Variants in EPHA5 observed in about 807,000 individuals in gnomAD.
EPHA5 encodes ephrin type-A receptor 5.
EPHA5 carries 60 observed loss-of-function variants against 105.0 expected under a neutral mutation model. The observed-to-expected ratio is 0.57, with a 90% CI of 0.46 to 0.71. The LOEUF (loss-of-function observed/expected upper bound fraction) is 0.71. Among genes scored for constraint, EPHA5 ranks in the 30% least tolerant of loss-of-function variants. The pLI, the probability that EPHA5 is intolerant of heterozygous loss-of-function variation, is 0.00. For synonymous variants in EPHA5, 513 were observed against 449.1 expected (o/e 1.14, Z -1.80); for missense variants, 1,218 against 1,274.7 (o/e 0.96, Z 0.68).
chr4:65,556,051 G>T (rs530044616), intron 3 of EPHA5, among the ~76,000 whole-genome samples: 2 of 152,064 alleles, frequency 1.3e-5, no homozygotes, highest in African/African-American at 2.4e-5. Context: ...ATGAATGTGT[G>T]CAGAATTCAT....
intron 2 of EPHA5, among the ~76,000 whole-genome samples, chr4:65,637,437 C>A (rs990068867): frequency 2.0e-5 from 3 of 151,362 alleles, no homozygotes; most frequent in African/African-American, 7.3e-5. Flanking sequence ...ACTATTCAAG[C>A]TATGAAAGGC....
chr4:65,437,002 A>G (rs1034139091), intron 5 of EPHA5, among the ~76,000 whole-genome samples: 14 of 152,040 alleles, frequency 9.2e-5, no homozygotes, highest in African/African-American at 3.4e-4. Context: ...GAATTTATTA[A>G]TGGTGTGCTA....
intron 3 of EPHA5, among the ~76,000 whole-genome samples, chr4:65,552,288 A>C (rs1387218313): frequency 6.6e-6 from 1 of 152,194 alleles, no homozygotes; most frequent in East Asian, 1.9e-4. Context: ...CACACTTAGC[A>C]ACTGTAAAAT....
At chr4:65,513,852 A>C (rs1390207071) in intron 3 of EPHA5, among the ~76,000 whole-genome samples, 1 of 152,066 alleles carries the variant, frequency 6.6e-6, no homozygotes, top group Non-Finnish European at 1.5e-5. Context: ...ACGTTTTTAC[A>C]CTTAACCTCC....
At position 65,486,506 on chromosome 4, in the gene EPHA5, G is replaced by C. The variant is rs114212564; in HGVS notation, c.1402+3871C>G. Among the ~76,000 whole-genome samples, 730 of 152,234 alleles carry C rather than the reference G, an allele frequency of 4.8e-3. 2 individuals are homozygous for C. Among genetic ancestry groups the C allele is most frequent in the Non-Finnish European group, 7.6e-3 (516 of 68,022 alleles). On this transcript the variant is annotated intron_variant, in intron 5 of 16. Coordinates refer to ENST00000613740, the MANE Select transcript of EPHA5 (RefSeq NM_001281766.3). ...TCAATCAGAAAATATCAACACAACT[G>C]TTGAGGCTAATTATAAATTTGAAAT...
At chr4:65,610,839 A>T (rs1303887525) in intron 2 of EPHA5, among the ~76,000 whole-genome samples, 1 of 152,156 alleles carries the variant, frequency 6.6e-6, no homozygotes, top group African/African-American at 2.4e-5. Context: ...CCACTGATCT[A>T]GTTTAGTTCC....
chr4:65,448,640 T>G (rs1726789563), intron 5 of EPHA5, among the ~76,000 whole-genome samples: 1 of 152,036 alleles, frequency 6.6e-6, no homozygotes, highest in African/African-American at 2.4e-5. Context: ...AGAGCCAGAC[T>G]CCATCTCGAA....
At chr4:65,493,418 T>C (rs1187523815) in intron 4 of EPHA5, among the ~76,000 whole-genome samples, 2 of 152,104 alleles carry the variant, frequency 1.3e-5, no homozygotes, top group South Asian at 2.1e-4. Context: ...AAGTTGGAGC[T>C]ATAAATTCAA....
chr4:65,547,603 A>G (rs1737507619), intron 3 of EPHA5, among the ~76,000 whole-genome samples: 1 of 152,078 alleles, frequency 6.6e-6, no homozygotes. Context: ...GAAATAGGTA[A>G]TTCAGGCTAA....
At chr4:65,486,536 T>C (rs1448473423) in intron 5 of EPHA5, among the ~76,000 whole-genome samples, 1 of 152,184 alleles carries the variant, frequency 6.6e-6, no homozygotes. Flanking sequence ...TGAAATCAAT[T>C]ATTTAAAAAA....
At chr4:65,426,624 C>A (rs1341380379) in intron 5 of EPHA5, among the ~76,000 whole-genome samples, 1 of 152,026 alleles carries the variant, frequency 6.6e-6, no homozygotes, top group African/African-American at 2.4e-5. Flanking sequence ...TTCTAACATG[C>A]ATAAATTATT....
intron 5 of EPHA5, among the ~76,000 whole-genome samples, chr4:65,445,970 C>T (rs1451856445): frequency 6.6e-6 from 1 of 152,104 alleles, no homozygotes; most frequent in Non-Finnish European, 1.5e-5. Context: ...TCATCTGGGC[C>T]ACCACTATCT....
chr4:65,350,278 C>A (rs1269723954), intron 13 of EPHA5, among the ~76,000 whole-genome samples: 2 of 152,024 alleles, frequency 1.3e-5, no homozygotes, highest in Non-Finnish European at 2.9e-5. Context: ...ATTGATTAAG[C>A]TGACCACTGG....
intron 3 of EPHA5, among the ~76,000 whole-genome samples, chr4:65,508,831 A>G (rs975478539): frequency 1.3e-5 from 2 of 152,096 alleles, no homozygotes; most frequent in Admixed American, 6.6e-5. Context: ...GTTAAAAAAA[A>G]CTATCCCTGA....
chr4:65,658,182 A>G (rs746611199), intron 1 of EPHA5, among the ~76,000 whole-genome samples: 1 of 152,088 alleles, frequency 6.6e-6, no homozygotes, highest in Non-Finnish European at 1.5e-5. Flanking sequence ...ATAAATATCA[A>G]ATTATTTAGT....
intron 3 of EPHA5, among the ~76,000 whole-genome samples, chr4:65,520,269 C>A (rs1173150262): frequency 1.3e-5 from 2 of 152,054 alleles, no homozygotes; most frequent in South Asian, 2.1e-4. Context: ...CAAAAACAAG[C>A]AATGGGGAAA....
At chr4:65,357,327 C>A (rs1249466990) in intron 11 of EPHA5, among the ~76,000 whole-genome samples, 2 of 151,374 alleles carry the variant, frequency 1.3e-5, no homozygotes, top group Non-Finnish European at 3.0e-5. Flanking sequence ...AAATTTGTAT[C>A]TCTCTGAATA....
In EPHA5 at chr4:65,670,108, T is replaced by C. The variant is rs191224930; in HGVS notation, c.-366A>G. On this transcript the variant is annotated 5_prime_UTR_variant, in exon 1 of 17. Coordinates refer to ENST00000613740, the MANE Select transcript of EPHA5 (RefSeq NM_001281766.3). Reference sequence around the variant, plus strand: ...CCACTAGGGGAAAGGTGAAGGTTCTTTGCAGCCTTCAGTGTTGAAATGGAC... The same window carrying C: ...CCACTAGGGGAAAGGTGAAGGTTCTCTGCAGCCTTCAGTGTTGAAATGGAC... The C allele has an allele frequency of 2.3e-3, 663 of 285,166 alleles. 5 individuals carry two copies. Among genetic ancestry groups the C allele is most frequent in the African/African-American group, 0.013 (631 of 47,054 alleles). The allele number at this position is 285,166 out of a possible 1,614,324, so 17.7% of individuals were successfully genotyped here. A position where few individuals can be genotyped will look rare whatever the true frequency, so the allele number is the denominator to read the frequency against.
intron 3 of EPHA5, among the ~76,000 whole-genome samples, chr4:65,526,463 T>A (rs1055385694): frequency 5.3e-5 from 8 of 151,708 alleles, no homozygotes; most frequent in Admixed American, 5.3e-4. Flanking sequence ...TTACAAAAAA[T>A]TAAAAATTTG....
Sources: gnomAD v4.1 joint callset for allele counts (sites outside exome capture counted in the v4.1 genomes callset) on GRCh38, gnomAD v4.1.1 for gene constraint, MANE v1.5 for transcripts, NCBI Gene and HGNC (gene_info 2026-07-23, HGNC 2026-07-21) for gene names.